FRYL: variants seen among roughly 807,000 people sequenced by gnomAD.
The protein encoded by FRYL is protein furry homolog-like.
Under a neutral mutation model 351.2 loss-of-function variants are expected in FRYL, and 150 were observed. The ratio of observed to expected loss-of-function variants is 0.43; its 90% CI spans 0.37 to 0.49. The LOEUF (loss-of-function observed/expected upper bound fraction) is 0.49. FRYL is among the 20% of genes least tolerant of loss of function. The probability of loss-of-function intolerance (pLI) is 0.00; values close to 1 mark genes in which losing one functional copy is unlikely to be tolerated. For synonymous variants in FRYL, 1,153 were observed against 1,257.1 expected, an observed-to-expected ratio of 0.92 and a Z score of 1.75; for missense variants, 3,036 against 3,619.3, an observed-to-expected ratio of 0.84 and a Z score of 4.13.
In FRYL at chr4:48,619,281, A is replaced by T; in HGVS notation, c.404T>A (p.Leu135Gln). 2 of 1,599,368 alleles carry T rather than the reference A, an allele frequency of 1.3e-6. No homozygotes were observed. The highest frequency in any genetic ancestry group is 1.7e-6 in the Non-Finnish European group (2 of 1,168,076). Residue 135 changes from leucine to glutamine, a missense_variant, in exon 7 of 64, where the codon CTA (leucine) becomes CAA (glutamine). This residue lies in a region of FRYL where 457 missense variants were observed against 566.6 expected (regional missense o/e 0.81). Transcript: ENST00000358350. ...AGAAATAAAAGAGCTTACCTGCTTT[A>T]GAACTTCAACTAAAACTAAACAAAA... ...FIFCLVLVEV[L>Q]KQIPVHPVPD...
chr4:48,559,262 T>C (rs748342324), intron 33 of FRYL, among the ~76,000 whole-genome samples: 13 of 151,630 alleles, frequency 8.6e-5, no homozygotes, highest in Non-Finnish European at 1.6e-4. Context: ...GCTCAGAAAG[T>C]AGTTGAATGA....
chr4:48,518,308 C>A (rs1024907601), intron 55 of FRYL, among the ~76,000 whole-genome samples: 2 of 152,146 alleles, frequency 1.3e-5, no homozygotes, highest in African/African-American at 4.8e-5. Flanking sequence ...GTAAACATTT[C>A]TCATGTTTGT....
At chr4:48,695,309 T>C (rs1766048227) in intron 2 of FRYL, among the ~76,000 whole-genome samples, 1 of 152,048 alleles carries the variant, frequency 6.6e-6, no homozygotes, top group African/African-American at 2.4e-5. Context: ...TTCGGAAAAA[T>C]AGAGTACTAA....
intron 2 of FRYL, among the ~76,000 whole-genome samples, chr4:48,701,522 AG>A (rs572079902): frequency 5.4e-4 from 82 of 152,346 alleles, no homozygotes; most frequent in Non-Finnish European, 7.9e-4. Flanking sequence ...GAAACCTGTA[AG>A]GATTTTTAAA....
chr4:48,635,021 C>T (rs975739323), intron 3 of FRYL, among the ~76,000 whole-genome samples: 15 of 152,074 alleles, frequency 9.9e-5, no homozygotes, highest in Non-Finnish European at 2.2e-4. Flanking sequence ...CAAGACAAAG[C>T]ACCAGGAACA....
chr4:48,679,215 C>T (rs1345480076), intron 3 of FRYL, among the ~76,000 whole-genome samples: 4 of 152,052 alleles, frequency 2.6e-5, no homozygotes, highest in African/African-American at 7.2e-5. Context: ...TCCATTTCTA[C>T]TCAAATAAGC....
At position 48,608,978 on chromosome 4, in the gene FRYL, A is replaced by C; in HGVS notation, c.572+9T>G. The stretch of plus-strand genomic sequence containing the variant: ...AAGAAAATCTAAATGGGTGATTTAC[A>C]AAACTTACTTTGATTGGGCAAGAAC... On this transcript the variant is annotated intron_variant, in intron 9 of 63. Transcript: ENST00000358350. 5.7e-6 allele frequency: 9 copies of C among 1,577,604 alleles called. No homozygotes were observed. Among genetic ancestry groups the C allele is most frequent in the Non-Finnish European group, 7.8e-6 (9 of 1,147,440 alleles).
chr4:48,603,696 A>G (rs1746136409), intron 11 of FRYL, among the ~76,000 whole-genome samples: 1 of 152,288 alleles, frequency 6.6e-6, no homozygotes, highest in Admixed American at 6.5e-5. Flanking sequence ...AGGAAGTAAC[A>G]TCTAAGCTGC....
At chr4:48,741,596 G>A (rs1303075568) in intron 1 of FRYL, among the ~76,000 whole-genome samples, 6 of 152,044 alleles carry the variant, frequency 3.9e-5, no homozygotes, top group African/African-American at 1.2e-4. Flanking sequence ...CCAGCTACCT[G>A]GAAGCAGGAG....
At chr4:48,600,532 G>T (rs567184544) in intron 13 of FRYL, among the ~76,000 whole-genome samples, 1 of 152,028 alleles carries the variant, frequency 6.6e-6, no homozygotes, top group South Asian at 2.1e-4. Context: ...AGAAAACAGA[G>T]CATTTAAATG....
chr4:48,541,043 A>C, intron 45 of FRYL, 83 bp from the exon 46 acceptor site: 1 of 1,303,744 alleles, frequency 7.7e-7, no homozygotes, highest in Non-Finnish European at 1.0e-6. Context: ...ACACTGAAAA[A>C]TAGTAACTGG....
At position 48,562,986 on chromosome 4, in the gene FRYL, T is replaced by A; in HGVS notation, c.3599A>T (p.Asp1200Val). The change falls in exon 32 of 64, where the codon GAT (aspartate) becomes GTT (valine). Residue 1200 changes from aspartate to valine, a missense_variant and splice_region_variant. Asp to Val is a radical substitution (Grantham distance 152). Around this residue, in one of 7 missense-constraint regions of FRYL, gnomAD observed 1,987 missense variants for 2,311.7 expected, o/e 0.86. Transcript: ENST00000358350. ...AAGCATCACTGTGTCACATTGATAATCCCTAGGAATAAATTTTACATATTA... is the reference window on the plus strand; with the variant it reads ...AAGCATCACTGTGTCACATTGATAAACCCTAGGAATAAATTTTACATATTA... ...KAIANVFQNR[D>V]YQCDTVMLLN... is the part of the protein sequence containing the mutation. The A allele has an allele frequency of 4.5e-6, 7 of 1,562,462 alleles. No homozygotes were observed. Among genetic ancestry groups the A allele is most frequent in the Non-Finnish European group, 6.1e-6 (7 of 1,138,944 alleles).
intron 9 of FRYL, among the ~76,000 whole-genome samples, chr4:48,608,480 T>G (rs1248225064): frequency 6.6e-6 from 1 of 152,178 alleles, no homozygotes; most frequent in Non-Finnish European, 1.5e-5. Flanking sequence ...GATGGTTCAG[T>G]GCAACTCAAT....
At chr4:48,715,905 T>C (rs1026239323) in intron 1 of FRYL, among the ~76,000 whole-genome samples, 2 of 152,180 alleles carry the variant, frequency 1.3e-5, no homozygotes, top group African/African-American at 2.4e-5. Flanking sequence ...CAAAACAGCA[T>C]GGTACTGGTA....
intron 20 of FRYL, among the ~76,000 whole-genome samples, chr4:48,582,104 T>A (rs907756323): frequency 3.9e-5 from 6 of 152,228 alleles, no homozygotes; most frequent in Admixed American, 3.9e-4. Flanking sequence ...GATTTGAGCA[T>A]CTTTTATGGT....
chr4:48,613,320 T>A (rs1364550274), intron 7 of FRYL, among the ~76,000 whole-genome samples: 1 of 152,156 alleles, frequency 6.6e-6, no homozygotes, highest in South Asian at 2.1e-4. Flanking sequence ...CATTTCAGAT[T>A]AGGGATGCTC....
At chr4:48,731,111 A>G (rs2149626378) in intron 1 of FRYL, among the ~76,000 whole-genome samples, 1 of 152,290 alleles carries the variant, frequency 6.6e-6, no homozygotes, top group East Asian at 1.9e-4. Context: ...ACAAAGACCA[A>G]AAGAAACAAA....
intron 19 of FRYL, among the ~76,000 whole-genome samples, chr4:48,584,425 T>C (rs1488112003): frequency 6.6e-6 from 1 of 152,128 alleles, no homozygotes; most frequent in African/African-American, 2.4e-5. Context: ...TAAAGAGAAG[T>C]ATTATAGCTA....
intron 2 of FRYL, among the ~76,000 whole-genome samples, chr4:48,685,211 C>T (rs182869318): frequency 4.6e-5 from 7 of 152,184 alleles, no homozygotes; most frequent in African/African-American, 1.4e-4. Context: ...TAAGTTAATA[C>T]CATTATAATG....
Sources: allele counts gnomAD v4.1 joint callset (sites outside exome capture counted in the v4.1 genomes callset), GRCh38; gene constraint gnomAD v4.1.1; regional missense constraint gnomAD v4.1.1; transcripts MANE v1.5; gene names NCBI Gene and HGNC (gene_info 2026-07-23, HGNC 2026-07-21).